Variants in TMTC1 observed in about 807,000 individuals in gnomAD.
TMTC1 encodes the protein protein O-mannosyl-transferase TMTC1.
A neutral mutation model predicts 104.8 loss-of-function variants in TMTC1; 73 were observed. The observed-to-expected ratio is 0.70, with a 90% confidence interval of 0.58 to 0.85. TMTC1 has a LOEUF of 0.85. Ranked by LOEUF, TMTC1 falls within the 40% of genes least tolerant of loss-of-function variation. The pLI, the probability that TMTC1 is intolerant of heterozygous loss-of-function variation, is 0.00. For missense variants in TMTC1, 1,035 were observed against 1,096.1 expected (o/e 0.94, Z 0.79); for synonymous variants, 434 against 428.7 (o/e 1.01, Z -0.15).
intron 6 of TMTC1, among the ~76,000 whole-genome samples, chr12:29,608,055 T>C (rs757430901): frequency 6.6e-6 from 1 of 152,224 alleles, no homozygotes; most frequent in Non-Finnish European, 1.5e-5. Context: ...TCAAATTAAA[T>C]GGATGACAAT....
intron 5 of TMTC1, among the ~76,000 whole-genome samples, chr12:29,668,478 T>G (rs1037509504): frequency 9.3e-6 from 1 of 106,982 alleles, no homozygotes. Context: ...TTTTTTTTTT[T>G]GAGATGGAGT....
At chr12:29,531,903 T>G (rs1944514826) in intron 11 of TMTC1, among the ~76,000 whole-genome samples, 1 of 152,098 alleles carries the variant, frequency 6.6e-6, no homozygotes, top group Admixed American at 6.6e-5. Flanking sequence ...ATGATCACAG[T>G]CTATTCATGG....
chr12:29,561,505 A>T (rs994801213), intron 9 of TMTC1, among the ~76,000 whole-genome samples: 1 of 152,198 alleles, frequency 6.6e-6, no homozygotes, highest in Non-Finnish European at 1.5e-5. Context: ...AAAGCACAGT[A>T]CTATGGAAAG....
chr12:29,517,681 A>G (rs1944027535), intron 13 of TMTC1, 110 bp from the exon 14 acceptor site: 2 of 1,266,170 alleles, frequency 1.6e-6, no homozygotes, highest in Admixed American at 4.6e-5. Flanking sequence ...CTGCTCCAAT[A>G]CGGTCTTTGT....
chr12:29,767,843 C>T (rs986281861), intron 2 of TMTC1, 55 bp downstream of exon 2: 29 of 1,477,548 alleles, frequency 2.0e-5, no homozygotes, highest in African/African-American at 1.0e-4. Flanking sequence ...CACGTATACA[C>T]GTATACATAC....
At chr12:29,649,113 C>G (rs1017430205) in intron 5 of TMTC1, among the ~76,000 whole-genome samples, 3 of 152,096 alleles carry the variant, frequency 2.0e-5, no homozygotes, top group South Asian at 4.1e-4. Context: ...TTGGCTGCAG[C>G]CCCCCTCCAC....
At chr12:29,639,323 T>C (rs572612460) in intron 5 of TMTC1, among the ~76,000 whole-genome samples, 1 of 152,070 alleles carries the variant, frequency 6.6e-6, no homozygotes, top group Non-Finnish European at 1.5e-5. Flanking sequence ...TTTAAGTAGG[T>C]GGAGAGATGG....
At chr12:29,746,733 G>A (rs1942964202) in intron 5 of TMTC1, among the ~76,000 whole-genome samples, 1 of 151,970 alleles carries the variant, frequency 6.6e-6, no homozygotes, top group Non-Finnish European at 1.5e-5. Context: ...TCCTAAACTT[G>A]TTTTAGTTTT....
At chr12:29,769,274 T>G (rs1943543558) in intron 1 of TMTC1, among the ~76,000 whole-genome samples, 1 of 152,184 alleles carries the variant, frequency 6.6e-6, no homozygotes, top group African/African-American at 2.4e-5. Flanking sequence ...TCACTCCCAC[T>G]GAAGTAATCA....
intron 17 of TMTC1, among the ~76,000 whole-genome samples, chr12:29,510,878 G>A (rs1165078377): frequency 1.3e-5 from 2 of 152,212 alleles, no homozygotes; most frequent in East Asian, 1.9e-4. Flanking sequence ...CTCCTTGAAG[G>A]CTGCATGATC....
chr12:29,572,088 C>T lies in TMTC1; in HGVS notation c.1532+17G>A. On this transcript the variant is annotated intron_variant, in intron 9 of 17. Transcript: ENST00000539277. ...TTTAAAGCACCAAGGCCAACACCCT[C>T]CCTGTGTGGCGCTTACTTGAGAGCT... The T allele has an allele frequency of 6.3e-7, 1 of 1,598,800 alleles. No individual in the cohort carries two copies. The highest frequency in any genetic ancestry group is 8.6e-7 in the Non-Finnish European group (1 of 1,166,196).
chr12:29,522,084 T>C (rs1258296293), intron 11 of TMTC1, among the ~76,000 whole-genome samples: 4 of 152,224 alleles, frequency 2.6e-5, no homozygotes, highest in Non-Finnish European at 5.9e-5. Context: ...AATACATATA[T>C]GCCCTGAGTA....
chr12:29,548,897 AATT>A (rs1357442520), intron 10 of TMTC1, among the ~76,000 whole-genome samples: 1 of 143,318 alleles, frequency 7.0e-6, no homozygotes, highest in Non-Finnish European at 1.5e-5. Context: ...TACAATATAT[AATT>A]ATTAATATAT....
intron 2 of TMTC1, among the ~76,000 whole-genome samples, chr12:29,767,667 T>G (rs368886719): frequency 1.3e-5 from 2 of 151,646 alleles, no homozygotes; most frequent in African/African-American, 4.8e-5. Context: ...AAAGGAAAAG[T>G]TGTCAACCAA....
At chr12:29,603,387 G>A (rs1055813451) in intron 7 of TMTC1, among the ~76,000 whole-genome samples, 6 of 151,790 alleles carry the variant, frequency 4.0e-5, no homozygotes, top group African/African-American at 7.3e-5. Context: ...GAAGAAGAAT[G>A]AACTTTCCTA....
chr12:29,693,754 T>C (rs1941333556), intron 5 of TMTC1, among the ~76,000 whole-genome samples: 1 of 152,212 alleles, frequency 6.6e-6, no homozygotes, highest in Admixed American at 6.5e-5. Context: ...CAAGTCTCTA[T>C]TCAGTGTATT....
chr12:29,769,391 C>T (rs1313577397), intron 1 of TMTC1, among the ~76,000 whole-genome samples: 1 of 152,152 alleles, frequency 6.6e-6, no homozygotes, highest in Non-Finnish European at 1.5e-5. Context: ...TGAGTCTGCA[C>T]ACACCCCAGC....
At chr12:29,700,236 T>G (rs12580429) in intron 5 of TMTC1, among the ~76,000 whole-genome samples, 20 of 151,184 alleles carry the variant, frequency 1.3e-4, no homozygotes, top group East Asian at 5.9e-4. Flanking sequence ...TCTTTTTTTT[T>G]TTGTTTTTTT....
intron 5 of TMTC1, chr12:29,666,228 C>CTTTTTTTTTT (rs751968439): frequency 1.1e-4 from 40 of 366,254 alleles, no homozygotes; most frequent in African/African-American, 2.1e-4. Context: ...TTTCTTTTTT[C>CTTTTTTTTTT]TTTTTTTTTT....
Sources: gnomAD v4.1 joint callset for allele counts (sites outside exome capture counted in the v4.1 genomes callset) on GRCh38, gnomAD v4.1.1 for gene constraint, MANE v1.5 for transcripts, NCBI Gene and HGNC (gene_info 2026-07-23, HGNC 2026-07-21) for gene names.